WDR18: variants seen among roughly 807,000 people sequenced by gnomAD.
The protein encoded by WDR18 is WD repeat domain 18, also known as WD repeat-containing protein 18.
A neutral mutation model predicts 49.6 loss-of-function variants in WDR18; 33 were observed. The ratio of observed to expected loss-of-function variants is 0.67; its 90% CI spans 0.50 to 0.89. The LOEUF (loss-of-function observed/expected upper bound fraction) is 0.89, where lower values mean the gene tolerates loss of function less well. Among genes scored for constraint, WDR18 ranks in the 40% least tolerant of loss-of-function variants. WDR18 has a pLI of 0.00. For missense variants in WDR18, 653 were observed against 593.6 expected (o/e 1.10, Z -1.04); for synonymous variants, 315 against 263.6 (o/e 1.19, Z -1.89).
rs1271978344 is a variant in WDR18, at chr19:994,523, GC to G, written c.*180del. On this transcript the variant is annotated 3_prime_UTR_variant, in exon 10 of 10. Transcript: ENST00000585809. Reference sequence around the variant, plus strand: ...GTCTCGTGGCACGCGTCACAGTGGTGCTAGTCTGTTTTTAACAAAAGAGGAT... The same window carrying G: ...GTCTCGTGGCACGCGTCACAGTGGTGTAGTCTGTTTTTAACAAAAGAGGAT... The G allele has an allele frequency of 1.1e-6, 1 of 886,454 alleles. No homozygotes were observed. Among genetic ancestry groups the G allele is most frequent in the Non-Finnish European group, 1.7e-6 (1 of 600,346 alleles). 54.9% of individuals were successfully genotyped at this position (886,454 alleles called of 1,614,324 possible). A position where few individuals can be genotyped will look rare whatever the true frequency, so the allele number is the denominator to read the frequency against.
At position 991,216 on chromosome 19, in the gene WDR18, T is replaced by G; in HGVS notation, c.807-11T>G. On this transcript the variant is annotated splice_polypyrimidine_tract_variant and intron_variant, in intron 6 of 9. Transcript: ENST00000585809. The stretch of plus-strand genomic sequence containing the variant: ...TGGCACGTCCCAGGTGACCCCTGTC[T>G]GTCTGTCCAGGAACCAGGTGACTTG... 1.3e-6 allele frequency: 2 copies of G among 1,567,058 alleles called. No homozygotes were observed. Among genetic ancestry groups the G allele is most frequent in the Middle Eastern group, 3.4e-4 (2 of 5,962 alleles).
At chr19:985,034 C>T (rs1025366167) in intron 1 of WDR18, among the ~76,000 whole-genome samples, 1 of 152,166 alleles carries the variant, frequency 6.6e-6, no homozygotes, top group Admixed American at 6.6e-5. Flanking sequence ...AGTTTCCCCT[C>T]TACTCCCAAG....
chr19:992,863 C>T (rs1488982807), intron 8 of WDR18, among the ~76,000 whole-genome samples: 3 of 152,240 alleles, frequency 2.0e-5, no homozygotes, highest in Non-Finnish European at 2.9e-5. Context: ...CTGTGTCCCT[C>T]GCTGGGCTCT....
At chr19:983,322 CAG>C (rs1294247332), upstream of WDR18, among the ~76,000 whole-genome samples, 3 of 152,020 alleles carry the variant, frequency 2.0e-5, no homozygotes, top group African/African-American at 7.2e-5. Context: ...TTCTTTGAGA[CAG>C]AGTCTCATTC....
At chr19:989,706 C>CCTTTCCTCCCCTGGGG in intron 2 of WDR18, 56 bp from the exon 3 acceptor site, 3 of 1,602,248 alleles carry the variant, frequency 1.9e-6, no homozygotes, top group Non-Finnish European at 2.6e-6. Context: ...CTGCAGCCCC[C>CCTTTCCTCCCCTGGGG]CTTTCCTCCC....
chr19:989,698 G>A, intron 2 of WDR18, 64 bp from the exon 3 acceptor site: 2 of 1,595,026 alleles, frequency 1.3e-6, no homozygotes, highest in Non-Finnish European at 1.7e-6. Context: ...TCCTGGGGCT[G>A]CAGCCCCCCT....
At chr19:992,245 G>A in intron 8 of WDR18, 124 bp downstream of exon 8, 1 of 1,218,194 alleles carries the variant, frequency 8.2e-7, no homozygotes, top group African/African-American at 1.6e-5. Context: ...CGGCACTGGA[G>A]GGCGCGTCCT....
At chr19:987,681 G>C (rs1345012166) in intron 2 of WDR18, among the ~76,000 whole-genome samples, 1 of 152,148 alleles carries the variant, frequency 6.6e-6, no homozygotes, top group Non-Finnish European at 1.5e-5. Context: ...GTTGCTGTCA[G>C]TCTGGTGCAG....
chr19:984,651 A>T, intron 1 of WDR18, 88 bp downstream of exon 1: 1 of 1,289,374 alleles, frequency 7.8e-7, no homozygotes, highest in Admixed American at 3.7e-5. Flanking sequence ...GTGCACCCTT[A>T]GTCGGAATTG....
chr19:989,732 C>T, intron 2 of WDR18, 30 bp from the exon 3 acceptor site: 1 of 1,611,672 alleles, frequency 6.2e-7, no homozygotes, highest in South Asian at 1.1e-5. Flanking sequence ...GCTTTCCTCC[C>T]CTGACCTGGA....
chr19:989,449 G>C (rs1463213848), intron 2 of WDR18, among the ~76,000 whole-genome samples: 2 of 152,184 alleles, frequency 1.3e-5, no homozygotes, highest in Admixed American at 6.5e-5. Context: ...GACGCCTGGG[G>C]TCAGGCTCAC....
intron 8 of WDR18, among the ~76,000 whole-genome samples, chr19:992,885 C>T (rs2038578318): frequency 6.6e-6 from 1 of 152,266 alleles, no homozygotes; most frequent in African/African-American, 2.4e-5. Context: ...GCGCTTGGCA[C>T]TTCTCCCCAC....
intron 4 of WDR18, 105 bp downstream of exon 4, chr19:990,469 C>G (rs2038530412): frequency 2.2e-6 from 3 of 1,380,796 alleles, no homozygotes; most frequent in Non-Finnish European, 2.8e-6. Context: ...GCTGTCAGGA[C>G]TCCAGACGGC....
At chr19:987,274 C>T (rs1026329677) in intron 2 of WDR18, among the ~76,000 whole-genome samples, 4 of 152,092 alleles carry the variant, frequency 2.6e-5, no homozygotes, top group Non-Finnish European at 2.9e-5. Context: ...ATCCGAGAGG[C>T]GGAAGTTGCA....
upstream of WDR18, among the ~76,000 whole-genome samples, chr19:983,168 C>A (rs1454297365): frequency 6.6e-6 from 1 of 152,164 alleles, no homozygotes; most frequent in African/African-American, 2.4e-5. Flanking sequence ...TTAGGCCGGA[C>A]GTTGTGGCTG....
chr19:990,546 T>C, intron 4 of WDR18, 182 bp downstream of exon 4: 1 of 991,622 alleles, frequency 1.0e-6, no homozygotes. Flanking sequence ...AAATTCCTAC[T>C]CATTCACCGT....
intron 4 of WDR18, 31 bp downstream of exon 4, chr19:990,395 G>C (rs754898798): frequency 1.3e-6 from 2 of 1,493,474 alleles, no homozygotes; most frequent in Admixed American, 4.8e-5. Flanking sequence ...CACGGTCCAT[G>C]AGCGGAGCCC....
In WDR18 at chr19:992,072, A is replaced by G; in HGVS notation, c.1049A>G (p.Asp350Gly). ...CACCTGCTGGGCGCCGAGCACGGGGACGAGCCGCGCCACGGGGGCCTCACT... is the reference window on the plus strand; with the variant it reads ...CACCTGCTGGGCGCCGAGCACGGGGGCGAGCCGCGCCACGGGGGCCTCACT... Reference protein sequence around the residue: ...NKHLLGAEHGDEPRHGGLTLR... With the variant: ...NKHLLGAEHGGEPRHGGLTLR... The change falls in exon 8 of 10, where the codon GAC (aspartate) becomes GGC (glycine). Residue 350 changes from aspartate to glycine, a missense_variant. Transcript: ENST00000585809. The G allele has an allele frequency of 1.3e-6, 2 of 1,560,932 alleles. No individual in the cohort carries two copies. The highest frequency in any genetic ancestry group is 2.4e-5 in the East Asian group (1 of 41,246).
intron 2 of WDR18, among the ~76,000 whole-genome samples, chr19:987,309 C>A (rs370311157): frequency 6.6e-6 from 1 of 152,196 alleles, no homozygotes; most frequent in Non-Finnish European, 1.5e-5. Flanking sequence ...TACCACTGCA[C>A]TCCAGCCTGG....
Sources: gnomAD v4.1 joint callset for allele counts (sites outside exome capture counted in the v4.1 genomes callset) on GRCh38, gnomAD v4.1.1 for gene constraint, MANE v1.5 for transcripts, NCBI Gene and HGNC (gene_info 2026-07-23, HGNC 2026-07-21) for gene names.